Variants in TOMM70 observed in about 807,000 individuals in gnomAD.
The protein encoded by TOMM70 is mitochondrial import receptor subunit TOM70.
A neutral mutation model predicts 73.6 loss-of-function variants in TOMM70; 13 were observed. That is an observed-to-expected ratio of 0.18 (90% CI 0.11 to 0.28). The LOEUF is 0.28. Ranked by LOEUF, TOMM70 falls within the 10% of genes least tolerant of loss-of-function variation. TOMM70 has a pLI of 1.00. For synonymous variants in TOMM70, 257 were observed against 271.2 expected (o/e 0.95, Z 0.51); for missense variants, 609 against 747.5 (o/e 0.81, Z 2.16).
At position 100,381,705 on chromosome 3, in the gene TOMM70, G is replaced by A. The variant is rs139243762; in HGVS notation, c.794C>T (p.Thr265Met). Residue 265 changes from threonine to methionine, a missense_variant, in exon 5 of 12, where the codon ACG (threonine) becomes ATG (methionine). This residue lies in a region of TOMM70 where 432 missense variants were observed against 584.1 expected (regional missense o/e 0.74). Transcript: ENST00000284320. ...QFIKSYFSSF[T>M]DDIISQPMLK... Reference sequence around the variant, plus strand: ...CATGGGCTGGGAAATGATATCATCCGTGAAAGAACTGAAGTAAGATTTGAT... The same window carrying A: ...CATGGGCTGGGAAATGATATCATCCATGAAAGAACTGAAGTAAGATTTGAT... 2.7e-5 allele frequency: 43 copies of A among 1,611,720 alleles called. No individual in the cohort carries two copies. In the East Asian group the frequency reaches 4.0e-4, roughly 15 times the overall value.
chr3:100,365,188 C>G lies in TOMM70; in HGVS notation c.*376G>C, dbSNP rs539676443. On this transcript the variant is annotated 3_prime_UTR_variant, in exon 12 of 12. Transcript: ENST00000284320. ...TTAAAAATCAACATGCTGTAAAATA[C>G]TTACATTATTCACACATATATAGAC... is the stretch of plus-strand genomic sequence containing the variant. 7.1e-4 allele frequency: 115 copies of G among 163,034 alleles called. 2 individuals carry two copies. In the South Asian group the frequency reaches 0.022, roughly 32 times the overall value. The allele number at this position is 163,034 out of a possible 1,614,324, so 10.1% of individuals were successfully genotyped here.
rs141227349 is a variant in TOMM70 at position 100,376,369 on chromosome 3, G to GTTTTT, written c.1093-1222_1093-1218dup. ...CTTGATGGTGTCTTTTCACACAGAA[G>GTTTTT]TTTTTTTTTTTTTTTGAGACAGGAT... On this transcript the variant is annotated intron_variant, in intron 6 of 11. Coordinates refer to ENST00000284320, the MANE Select transcript of TOMM70 (RefSeq NM_014820.5). Among the ~76,000 whole-genome samples the GTTTTT allele has an allele frequency of 4.6e-3, 557 of 121,750 alleles. 38 individuals carry two copies. Among genetic ancestry groups the GTTTTT allele is most frequent in the African/African-American group, 8.5e-3 (231 of 27,062 alleles). 79.9% of individuals were successfully genotyped at this position (121,750 alleles called of 152,430 possible).
At position 100,386,959 on chromosome 3, in the gene TOMM70, T is replaced by G; in HGVS notation, c.344A>C (p.Gln115Pro). The change falls in exon 2 of 12, where the codon CAA becomes CCA. Residue 115 changes from glutamine (Q) to proline (P), a missense_variant. Coordinates refer to ENST00000284320, the MANE Select transcript of TOMM70 (RefSeq NM_014820.5). ...TTTATTGCCTTTATTCTTGGCTGCT[T>G]GGGCTCTATCAAGAGAGTTCTGAAA... ...HLDMNSLDRAQAAKNKGNKYF... is the reference protein window; with the variant it reads ...HLDMNSLDRAPAAKNKGNKYF... 2 of 1,613,946 alleles carry G rather than the reference T, an allele frequency of 1.2e-6. No homozygotes were observed. Among genetic ancestry groups the G allele is most frequent in the Non-Finnish European group, 1.7e-6 (2 of 1,179,964 alleles).
At position 100,372,334 on chromosome 3, in the gene TOMM70, C is replaced by G. The variant is rs571728791; in HGVS notation, c.1452+272G>C. ...ACGGTAAATTTTCCTAAGGTAATTA[C>G]TTTTTGCAAAACCAATCCAAATGAA... On this transcript the variant is annotated intron_variant, in intron 9 of 11. Coordinates refer to ENST00000284320, the MANE Select transcript of TOMM70 (RefSeq NM_014820.5). 16 of 313,792 alleles carry G rather than the reference C, an allele frequency of 5.1e-5. No homozygotes were observed. The South Asian group carries it at 2.1e-3, about 41-fold the overall frequency. The allele number at this position is 313,792 out of a possible 1,614,324, so 19.4% of individuals were successfully genotyped here.
chr3:100,378,456 G>C (rs911129762), intron 5 of TOMM70, among the ~76,000 whole-genome samples: 1 of 152,112 alleles, frequency 6.6e-6, no homozygotes, highest in Non-Finnish European at 1.5e-5. Context: ...TGGAGGAGGA[G>C]TTTTAAAAAG....
At chr3:100,395,390 A>AAAAC (rs949996905) in intron 1 of TOMM70, among the ~76,000 whole-genome samples, 3 of 151,842 alleles carry the variant, frequency 2.0e-5, no homozygotes, top group African/African-American at 7.3e-5. Flanking sequence ...AAAAAAACCC[A>AAAAC]AAACAAACAA....
At position 100,377,892 on chromosome 3, in the gene TOMM70, T is replaced by C. The variant is rs1018882533; in HGVS notation, c.905A>G (p.Lys302Arg). 5 of 1,613,504 alleles carry C rather than the reference T, an allele frequency of 3.1e-6. No individual in the cohort carries two copies. The African/African-American group carries it at 5.3e-5, about 17-fold the overall frequency. The change falls in exon 6 of 12, where the codon AAA becomes AGA. Residue 302 changes from lysine (K) to arginine (R), a missense_variant. Physicochemically the swap from Lys to Arg is conservative, Grantham distance 26 (BLOSUM62 2). This residue lies in a region of TOMM70 where 432 missense variants were observed against 584.1 expected (regional missense o/e 0.74). Transcript: ENST00000284320. ...GTAGTTTTCTTCTTCCATATACTGTTTGGCCTTTAAGTATCCAGAACTGAA... is the reference window on the plus strand; with the variant it reads ...GTAGTTTTCTTCTTCCATATACTGTCTGGCCTTTAAGTATCCAGAACTGAA... ...VKENSGYLKA[K>R]QYMEEENYDK...
chr3:100,386,779 C>T, intron 2 of TOMM70, 26 bp downstream of exon 2: 1 of 1,593,070 alleles, frequency 6.3e-7, no homozygotes, highest in Non-Finnish European at 8.5e-7. Flanking sequence ...AGAAAAGGAA[C>T]AGAAGAAACA....
chr3:100,381,873 CAAATAACTA>C (rs1706638691), intron 4 of TOMM70, 110 bp from the exon 5 acceptor site: 5 of 1,137,168 alleles, frequency 4.4e-6, no homozygotes, highest in Non-Finnish European at 6.0e-6. Context: ...TTCTCATTTT[CAAATAACTA>C]AAATTAAGCT....
intron 11 of TOMM70, among the ~76,000 whole-genome samples, chr3:100,366,566 G>C (rs150705064): frequency 0.01 from 1,547 of 152,330 alleles, 13 homozygotes; most frequent in Non-Finnish European, 0.016. Context: ...CAACGTGATA[G>C]GCTTATTTTT....
chr3:100,370,265 T>C lies in TOMM70; in HGVS notation c.1453-1130A>G, dbSNP rs1285785734. 2.0e-5 allele frequency among the ~76,000 whole-genome samples: 3 copies of C among 152,238 alleles called. No individual in the cohort carries two copies. In the East Asian group the frequency reaches 5.8e-4, roughly 29 times the overall value. On this transcript the variant is annotated intron_variant, in intron 9 of 11. Transcript: ENST00000284320. ...ACTTCCCTATTTGTTTTCTTTCACATGGTTGAGTTCATTTTGTATGCAATT... is the reference window on the plus strand; with the variant it reads ...ACTTCCCTATTTGTTTTCTTTCACACGGTTGAGTTCATTTTGTATGCAATT...
At chr3:100,390,739 G>C (rs563958774) in intron 1 of TOMM70, among the ~76,000 whole-genome samples, 1 of 152,238 alleles carries the variant, frequency 6.6e-6, no homozygotes, top group Admixed American at 6.5e-5. Context: ...TGAGTCAGGA[G>C]AATCACGCGA....
intron 5 of TOMM70, among the ~76,000 whole-genome samples, chr3:100,378,867 C>T (rs778840647): frequency 7.9e-5 from 12 of 152,028 alleles, no homozygotes; most frequent in Non-Finnish European, 1.5e-4. Context: ...ATTAGTCAGG[C>T]GTGGTGGCGG....
chr3:100,389,820 T>C (rs1706738657), intron 1 of TOMM70, among the ~76,000 whole-genome samples: 1 of 152,054 alleles, frequency 6.6e-6, no homozygotes, highest in African/African-American at 2.4e-5. Flanking sequence ...GGCGGGTGGA[T>C]TACCTCAGGT....
Position 100,373,520 on chromosome 3 carries a change from AAAG to A in TOMM70, c.1335+15_1335+17del. On this transcript the variant is annotated intron_variant, in intron 8 of 11. Transcript: ENST00000284320. ...TAAAAGTGATGTTTAGGAAAATACA[AAAG>A]AAAGTAGTACCTACCAATGCAAAAC... The A allele has an allele frequency of 6.4e-7, 1 of 1,566,554 alleles. No individual in the cohort carries two copies. Among genetic ancestry groups the A allele is most frequent in the Non-Finnish European group, 8.6e-7 (1 of 1,157,460 alleles).
At chr3:100,394,708 G>T (rs1472167353) in intron 1 of TOMM70, among the ~76,000 whole-genome samples, 2 of 151,666 alleles carry the variant, frequency 1.3e-5, no homozygotes, top group Non-Finnish European at 3.0e-5. Flanking sequence ...TCACCATGTT[G>T]GCCAGGCCAG....
rs1348603694 is a variant in TOMM70, at chr3:100,386,879, T to A, written c.424A>T (p.Ser142Cys). The change falls in exon 2 of 12, where the codon AGC becomes TGC. Residue 142 changes from serine (S) to cysteine (C), a missense_variant. Coordinates refer to ENST00000284320, the MANE Select transcript of TOMM70 (RefSeq NM_014820.5). The part of the protein sequence containing the change: ...QAIQCYTEAI[S>C]LCPTEKNVDL... Reference sequence around the variant, plus strand: ...ACATTCTTCTCTGTAGGGCACAAGCTAATAGCCTCAGTATAGCACTGAATA... The same window carrying A: ...ACATTCTTCTCTGTAGGGCACAAGCAAATAGCCTCAGTATAGCACTGAATA... 1 of 1,614,162 alleles carries A rather than the reference T, an allele frequency of 6.2e-7. No homozygotes were observed. Among genetic ancestry groups the A allele is most frequent in the Non-Finnish European group, 8.5e-7 (1 of 1,180,012 alleles).
At chr3:100,376,568 A>G (rs537211960) in intron 6 of TOMM70, among the ~76,000 whole-genome samples, 20 of 150,796 alleles carry the variant, frequency 1.3e-4, no homozygotes, top group Non-Finnish European at 1.6e-4. Context: ...CAAGCACAGA[A>G]GTCTGATCAC....
chr3:100,379,084 C>T (rs1432852523), intron 5 of TOMM70, among the ~76,000 whole-genome samples: 5 of 152,138 alleles, frequency 3.3e-5, no homozygotes, highest in Non-Finnish European at 2.9e-5. Context: ...ACTCTTCCAT[C>T]AATTAATACT....
Sources: gnomAD v4.1 joint callset for allele counts (sites outside exome capture counted in the v4.1 genomes callset) on GRCh38, gnomAD v4.1.1 for gene constraint, gnomAD v4.1.1 regional missense constraint, MANE v1.5 for transcripts, NCBI Gene and HGNC (gene_info 2026-07-23, HGNC 2026-07-21) for gene names.